The following BCAS3 variants were observed in gnomAD, a reference collection of about 807,000 sequenced individuals.
The protein encoded by BCAS3 is BCAS3 microtubule associated cell migration factor, also known as BCAS4/BCAS3 fusion.
Under a neutral mutation model 116.1 loss-of-function variants are expected in BCAS3, and 53 were observed. That is an observed-to-expected ratio of 0.46 (90% CI 0.37 to 0.57). The LOEUF (loss-of-function observed/expected upper bound fraction) is 0.57. Ranked by LOEUF, BCAS3 falls within the 20% of genes least tolerant of loss-of-function variation. BCAS3 has a pLI of 0.00. For synonymous variants in BCAS3, 391 were observed against 408.2 expected (o/e 0.96, Z 0.51); for missense variants, 917 against 1,165.4 (o/e 0.79, Z 3.10).
chr17:61,230,597 C>A (rs532614619), intron 22 of BCAS3, among the ~76,000 whole-genome samples: 13 of 152,274 alleles, frequency 8.5e-5, no homozygotes, highest in African/African-American at 3.1e-4. Flanking sequence ...AAGATAATGG[C>A]CTCCAGTTCC....
chr17:61,297,264 G>A (rs1990291), intron 22 of BCAS3, among the ~76,000 whole-genome samples: 45,952 of 152,056 alleles, frequency 0.3, 7,573 homozygotes, highest in African/African-American at 0.44. Flanking sequence ...GTAGAAAGCA[G>A]TACCAGTCAC....
At position 60,977,751 on chromosome 17, in the gene BCAS3, G is replaced by A. The variant is rs1423425720; in HGVS notation, c.1222-12220G>A. On this transcript the variant is annotated intron_variant, in intron 14 of 23. Coordinates refer to ENST00000407086, the MANE Select transcript of BCAS3 (RefSeq NM_017679.5). ...CCCACCTATGATTGAGAATATGCGT[G>A]TTTGGCTTTTTGTTCTTGCCATAGT... 2.0e-5 allele frequency among the ~76,000 whole-genome samples: 3 copies of A among 150,628 alleles called. No homozygotes were observed. In the East Asian group the frequency reaches 5.9e-4, roughly 30 times the overall value.
intron 15 of BCAS3, among the ~76,000 whole-genome samples, chr17:61,003,512 C>T (rs1486265205): frequency 2.0e-5 from 3 of 151,442 alleles, no homozygotes; most frequent in South Asian, 4.2e-4. Flanking sequence ...AATCTGGTCT[C>T]GATCTCCTGG....
At chr17:61,371,973 T>C (rs1333196691) in intron 23 of BCAS3, among the ~76,000 whole-genome samples, 1 of 152,260 alleles carries the variant, frequency 6.6e-6, no homozygotes, top group Non-Finnish European at 1.5e-5. Context: ...GATTTGCAAG[T>C]CCAGTTCTAA....
In BCAS3 at chr17:61,387,290, G is replaced by A. The variant is rs2059905772; in HGVS notation, c.2594-4687G>A. ...AGCTCAGGAGTAGGACAAGGTGTGG[G>A]CAGCCATGCCCTTGCCTCCTCACAG... On this transcript the variant is annotated intron_variant, in intron 23 of 23. Coordinates refer to ENST00000407086, the MANE Select transcript of BCAS3 (RefSeq NM_017679.5). This position sits in a 1 kb window ranked among gnomAD's most constrained non-coding sequence, Gnocchi z 6.2. Among the ~76,000 whole-genome samples, 1 of 152,190 alleles carries A rather than the reference G, an allele frequency of 6.6e-6. No homozygotes were observed. The highest frequency in any genetic ancestry group is 6.5e-5 in the Admixed American group (1 of 15,286).
rs150840045 is a variant in BCAS3, at chr17:61,323,378, A to G, written c.2426-44949A>G. On this transcript the variant is annotated intron_variant, in intron 22 of 23. Coordinates refer to ENST00000407086, the MANE Select transcript of BCAS3 (RefSeq NM_017679.5). The surrounding 1 kb of genome is among the most constrained non-coding windows in gnomAD (Gnocchi z 4.6). ...ATAAGTAGTGCAGTGAGCAGTTAGC[A>G]TAAGGGAGTTCCAGCCCCGGGTTCT... Among the ~76,000 whole-genome samples the G allele has an allele frequency of 6.6e-6, 1 of 152,330 alleles. No individual in the cohort carries two copies. Among genetic ancestry groups the G allele is most frequent in the African/African-American group, 2.4e-5 (1 of 41,572 alleles).
intron 22 of BCAS3, among the ~76,000 whole-genome samples, chr17:61,236,491 T>C (rs1050034239): frequency 6.6e-6 from 1 of 152,082 alleles, no homozygotes; most frequent in African/African-American, 2.4e-5. Context: ...GGCTAATTTT[T>C]TTGTATTTTT....
chr17:61,392,355 A>G lies in BCAS3; in HGVS notation c.*230A>G. On this transcript the variant is annotated 3_prime_UTR_variant, in exon 24 of 24. Coordinates refer to ENST00000407086, the MANE Select transcript of BCAS3 (RefSeq NM_017679.5). The surrounding 1 kb of genome is among the most constrained non-coding windows in gnomAD (Gnocchi z 6.4). The stretch of plus-strand genomic sequence containing the variant: ...TCGGTGGAGGCTGTGGCCAGGAGAG[A>G]CTGTAGAAGCTCGGTCCCTGTGTAT... 1 of 474,840 alleles carries G rather than the reference A, an allele frequency of 2.1e-6. No individual in the cohort carries two copies. Among genetic ancestry groups the G allele is most frequent in the Non-Finnish European group, 3.7e-6 (1 of 269,952 alleles). 29.4% of individuals were successfully genotyped at this position (474,840 alleles called of 1,614,324 possible).
intron 23 of BCAS3, among the ~76,000 whole-genome samples, chr17:61,372,814 C>G (rs763826313): frequency 1.3e-5 from 2 of 152,072 alleles, no homozygotes; most frequent in Non-Finnish European, 2.9e-5. Flanking sequence ...AGCAGACATT[C>G]CTTTCAATAT....
chr17:61,072,008 AGATTTATTT>A (rs1321717749), intron 19 of BCAS3, among the ~76,000 whole-genome samples: 2 of 152,202 alleles, frequency 1.3e-5, no homozygotes, highest in Non-Finnish European at 2.9e-5. Context: ...TTATCCCACC[AGATTTATTT>A]TTTATATTGC....
In BCAS3 at chr17:61,367,770, A is replaced by C. The variant is rs1252245457; in HGVS notation, c.2426-557A>C. 6.6e-6 allele frequency: 1 copy of C among 152,172 alleles called. No homozygotes were observed. The highest frequency in any genetic ancestry group is 2.4e-5 in the African/African-American group (1 of 41,440). The allele number at this position is 152,172 out of a possible 1,614,324, so 9.4% of individuals were successfully genotyped here. The stretch of plus-strand genomic sequence containing the variant: ...TGGTTAAGAAAGCTTTAAAAACATT[A>C]GGCTATATAACCCCTTCTTTAAATG... On this transcript the variant is annotated intron_variant, in intron 22 of 23. Coordinates refer to ENST00000407086, the MANE Select transcript of BCAS3 (RefSeq NM_017679.5). This position sits in a 1 kb window ranked among gnomAD's most constrained non-coding sequence, Gnocchi z 6.2.
intron 5 of BCAS3, among the ~76,000 whole-genome samples, chr17:60,713,439 C>T (rs1036010584): frequency 7.2e-5 from 11 of 152,088 alleles, no homozygotes; most frequent in African/African-American, 1.2e-4. Flanking sequence ...AAAAATGACT[C>T]TCATGGATCT....
At chr17:60,685,637 A>G (rs997696527) in intron 3 of BCAS3, among the ~76,000 whole-genome samples, 1 of 152,148 alleles carries the variant, frequency 6.6e-6, no homozygotes, top group African/African-American at 2.4e-5. Flanking sequence ...GGTGTCATGT[A>G]TATAAAGCAT....
At chr17:61,288,321 C>G (rs1396963173) in intron 22 of BCAS3, among the ~76,000 whole-genome samples, 1 of 152,114 alleles carries the variant, frequency 6.6e-6, no homozygotes. Context: ...CTTTGTCAGT[C>G]TTACTTCTTG....
intron 13 of BCAS3, among the ~76,000 whole-genome samples, chr17:60,944,384 G>T (rs915833578): frequency 6.6e-6 from 1 of 151,962 alleles, no homozygotes; most frequent in Non-Finnish European, 1.5e-5. Flanking sequence ...ATATTTAATG[G>T]TAGTTAAAAA....
chr17:61,382,261 T>TC (rs1390858247), intron 23 of BCAS3, among the ~76,000 whole-genome samples: 1 of 149,670 alleles, frequency 6.7e-6, no homozygotes, highest in African/African-American at 2.5e-5. Flanking sequence ...TTTTTTGGCT[T>TC]TTTTTTTTCT....
intron 22 of BCAS3, among the ~76,000 whole-genome samples, chr17:61,096,431 C>A (rs974096067): frequency 6.6e-6 from 1 of 152,124 alleles, no homozygotes; most frequent in African/African-American, 2.4e-5. Flanking sequence ...GTGGTATGCA[C>A]CTGTAGTCTT....
chr17:60,689,748 T>C lies in BCAS3; in HGVS notation c.201T>C (p.Asn67=), dbSNP rs748999070. ...AAATAGTCTGGGTCAGATTTGAAAA[T>C]GCAGATTTAAATGGTATGGTTTTAA... ...KEKIVWVRFE[N]ADLNDTSRNL... is the part of the protein sequence containing the mutation. The change falls in exon 4 of 24, where the codon AAT becomes AAC. Residue 67 remains asparagine (N), a synonymous_variant. Transcript: ENST00000407086. 1.5e-5 allele frequency: 24 copies of C among 1,604,320 alleles called. No individual in the cohort carries two copies. Among genetic ancestry groups the C allele is most frequent in the Non-Finnish European group, 1.9e-5 (22 of 1,171,802 alleles).
intron 22 of BCAS3, among the ~76,000 whole-genome samples, chr17:61,160,145 T>A (rs996573878): frequency 2.6e-4 from 39 of 151,274 alleles, no homozygotes; most frequent in African/African-American, 9.4e-4. Flanking sequence ...GAAATGCCAT[T>A]CACTAAAAAG....
Sources: allele counts gnomAD v4.1 joint callset (sites outside exome capture counted in the v4.1 genomes callset), GRCh38; gene constraint gnomAD v4.1.1; non-coding constraint Gnocchi (gnomAD v3.1); transcripts MANE v1.5; gene names NCBI Gene and HGNC (gene_info 2026-07-23, HGNC 2026-07-21).